The following PLCH1 variants were observed in gnomAD, a reference collection of about 807,000 sequenced individuals.
The protein encoded by PLCH1 is 1-phosphatidylinositol 4,5-bisphosphate phosphodiesterase eta-1.
Under a neutral mutation model 126.7 loss-of-function variants are expected in PLCH1, and 60 were observed. The ratio of observed to expected loss-of-function variants is 0.47; its 90% CI spans 0.38 to 0.59. The LOEUF (loss-of-function observed/expected upper bound fraction) is 0.59, where lower values mean the gene tolerates loss of function less well. Among genes scored for constraint, PLCH1 ranks in the 20% least tolerant of loss-of-function variants. The pLI is 0.00. For synonymous variants in PLCH1, 719 were observed against 734.9 expected (o/e 0.98, Z 0.35); for missense variants, 1,723 against 2,040.0 (o/e 0.84, Z 2.99).
chr3:155,663,359 T>C (rs1055792391), intron 2 of PLCH1, among the ~76,000 whole-genome samples: 1 of 152,212 alleles, frequency 6.6e-6, no homozygotes, highest in African/African-American at 2.4e-5. Flanking sequence ...TTGGTTAGAT[T>C]TGGGTAACTA....
intron 2 of PLCH1, among the ~76,000 whole-genome samples, chr3:155,602,366 G>T (rs1560230776): frequency 6.6e-6 from 1 of 152,082 alleles, no homozygotes; most frequent in Non-Finnish European, 1.5e-5. Flanking sequence ...ACAGAAAATC[G>T]AGTAGAAAGG....
intron 2 of PLCH1, among the ~76,000 whole-genome samples, chr3:155,666,998 CATTT>C (rs1230211094): frequency 6.6e-6 from 1 of 151,606 alleles, no homozygotes; most frequent in South Asian, 2.1e-4. Flanking sequence ...TCCAAGGTAA[CATTT>C]ATTAAAGGCC....
At chr3:155,654,736 T>C (rs1741153830) in intron 2 of PLCH1, among the ~76,000 whole-genome samples, 1 of 152,220 alleles carries the variant, frequency 6.6e-6, no homozygotes, top group Non-Finnish European at 1.5e-5. Context: ...AATAATATCA[T>C]GACTGGTCTC....
chr3:155,520,966 C>G (rs1381994269), intron 11 of PLCH1, among the ~76,000 whole-genome samples: 1 of 152,190 alleles, frequency 6.6e-6, no homozygotes, highest in South Asian at 2.1e-4. Context: ...CATCTAACTC[C>G]AGGGTGGTGC....
Position 155,492,825 on chromosome 3 carries a change from A to C in PLCH1, c.2211T>G (p.Pro737=). ...KGTFNPFSGD[P]LPANPKKQLI... is the part of the protein sequence containing the mutation. ...GCTGCTTTTTGGGGTTGGCAGGAAG[A>C]GGGTCACCAGAGAAAGGGTTGAAAG... Residue 737 remains proline, a synonymous_variant, in exon 18 of 23, where the codon CCT becomes CCG. Transcript: ENST00000460012. 1 of 1,602,804 alleles carries C rather than the reference A, an allele frequency of 6.2e-7. No homozygotes were observed. Among genetic ancestry groups the C allele is most frequent in the Non-Finnish European group, 8.5e-7 (1 of 1,175,468 alleles).
intron 2 of PLCH1, among the ~76,000 whole-genome samples, chr3:155,598,331 T>C (rs192606309): frequency 5.9e-5 from 9 of 152,214 alleles, no homozygotes; most frequent in African/African-American, 1.2e-4. Context: ...AGCTACATAG[T>C]TGAATTCTTG....
chr3:155,659,300 T>A (rs1359069902), intron 2 of PLCH1, among the ~76,000 whole-genome samples: 5 of 108,512 alleles, frequency 4.6e-5, no homozygotes, highest in African/African-American at 2.0e-4. Flanking sequence ...GTCTATTCAC[T>A]TCTTTTTTTT....
chr3:155,520,916 G>A (rs940979393), intron 11 of PLCH1, among the ~76,000 whole-genome samples: 6 of 152,150 alleles, frequency 3.9e-5, no homozygotes, highest in East Asian at 1.9e-4. Flanking sequence ...GGCTTAAACC[G>A]CTAGCTTAAA....
chr3:155,545,912 C>G (rs1464978569), intron 10 of PLCH1, among the ~76,000 whole-genome samples: 3 of 152,122 alleles, frequency 2.0e-5, no homozygotes, highest in Non-Finnish European at 4.4e-5. Context: ...CTATCTATGA[C>G]AAACCCACAG....
intron 2 of PLCH1, among the ~76,000 whole-genome samples, chr3:155,623,756 C>G (rs1043780080): frequency 1.3e-5 from 2 of 152,120 alleles, no homozygotes; most frequent in African/African-American, 4.8e-5. Context: ...GAAATTGAGG[C>G]AGTAATTAAT....
At chr3:155,581,085 A>T (rs1299197432) in intron 6 of PLCH1, among the ~76,000 whole-genome samples, 1 of 152,222 alleles carries the variant, frequency 6.6e-6, no homozygotes, top group Non-Finnish European at 1.5e-5. Context: ...AGAAAACACA[A>T]TTGTCAAAGT....
At chr3:155,667,781 T>C (rs1742896498) in intron 2 of PLCH1, among the ~76,000 whole-genome samples, 1 of 151,552 alleles carries the variant, frequency 6.6e-6, no homozygotes, top group African/African-American at 2.4e-5. Context: ...AAGAGTCACG[T>C]TGGCCAAGCG....
chr3:155,583,002 C>A (rs1730917127), intron 6 of PLCH1, among the ~76,000 whole-genome samples: 1 of 151,490 alleles, frequency 6.6e-6, no homozygotes, highest in Non-Finnish European at 1.5e-5. Context: ...CAATGACCTA[C>A]CACAATAGTA....
At chr3:155,612,534 CA>C (rs112554702) in intron 2 of PLCH1, among the ~76,000 whole-genome samples, 74,202 of 148,936 alleles carry the variant, frequency 0.5, 20,541 homozygotes, top group African/African-American at 0.74. Context: ...TAACAAACAA[CA>C]AAAAAAAAAG....
At chr3:155,718,651 G>T (rs529368654) in intron 1 of PLCH1, among the ~76,000 whole-genome samples, 3 of 152,000 alleles carry the variant, frequency 2.0e-5, no homozygotes, top group Non-Finnish European at 4.4e-5. Context: ...GGGTGAGTGC[G>T]GGGGGGAGGT....
intron 2 of PLCH1, among the ~76,000 whole-genome samples, chr3:155,627,388 T>C (rs1241126960): frequency 2.0e-5 from 3 of 152,272 alleles, no homozygotes; most frequent in African/African-American, 4.8e-5. Flanking sequence ...CCCAGCACTT[T>C]GGGAGGCCGA....
At chr3:155,485,269 C>G (rs532446879) in intron 22 of PLCH1, 87 bp downstream of exon 22, 5 of 789,462 alleles carry the variant, frequency 6.3e-6, no homozygotes, top group Non-Finnish European at 1.0e-5. Context: ...ACTTTGACTA[C>G]AGAATGTCAG....
intron 14 of PLCH1, among the ~76,000 whole-genome samples, chr3:155,499,820 A>G (rs1163868535): frequency 1.3e-5 from 2 of 152,094 alleles, no homozygotes; most frequent in African/African-American, 2.4e-5. Context: ...CTGTAACTAT[A>G]TATTCAATTT....
chr3:155,541,723 A>C (rs967542586), intron 10 of PLCH1, among the ~76,000 whole-genome samples: 1 of 152,218 alleles, frequency 6.6e-6, no homozygotes, highest in Non-Finnish European at 1.5e-5. Flanking sequence ...AATTACCAAA[A>C]TGTGACACAG....
Sources: gnomAD v4.1 joint callset for allele counts (sites outside exome capture counted in the v4.1 genomes callset) on GRCh38, gnomAD v4.1.1 for gene constraint, MANE v1.5 for transcripts, NCBI Gene and HGNC (gene_info 2026-07-23, HGNC 2026-07-21) for gene names.